The following GBF1 variants were observed in gnomAD, a reference collection of about 807,000 sequenced individuals.
GBF1 encodes Golgi-specific brefeldin A-resistance guanine nucleotide exchange factor 1.
A neutral mutation model predicts 210.5 loss-of-function variants in GBF1; 114 were observed. The ratio of observed to expected loss-of-function variants is 0.54; its 90% CI spans 0.47 to 0.63. The LOEUF (loss-of-function observed/expected upper bound fraction) is 0.63, where lower values mean the gene tolerates loss of function less well. Ranked by LOEUF, GBF1 falls within the 30% of genes least tolerant of loss-of-function variation. The pLI, the probability that GBF1 is intolerant of heterozygous loss-of-function variation, is 0.00. For missense variants in GBF1, 1,851 were observed against 2,357.7 expected (o/e 0.79, Z 4.45); for synonymous variants, 850 against 889.2 (o/e 0.96, Z 0.78).
intron 29 of GBF1, among the ~76,000 whole-genome samples, chr10:102,373,411 C>T (rs1166327900): frequency 6.6e-6 from 1 of 152,142 alleles, no homozygotes; most frequent in East Asian, 1.9e-4. Context: ...CATGTCTCTA[C>T]CAATAAATAC....
intron 3 of GBF1, among the ~76,000 whole-genome samples, chr10:102,312,143 T>G (rs753957584): frequency 1.3e-5 from 2 of 151,918 alleles, no homozygotes; most frequent in Admixed American, 6.6e-5. Flanking sequence ...AATACAAAAT[T>G]AGCTGGGCGT....
intron 3 of GBF1, among the ~76,000 whole-genome samples, chr10:102,322,564 A>G (rs891412193): frequency 6.6e-6 from 1 of 152,026 alleles, no homozygotes; most frequent in Non-Finnish European, 1.5e-5. Context: ...AGTTTACATT[A>G]TATGCCCATG....
At chr10:102,354,551 T>C (rs1178409591) in intron 8 of GBF1, among the ~76,000 whole-genome samples, 2 of 152,292 alleles carry the variant, frequency 1.3e-5, no homozygotes, top group African/African-American at 4.8e-5. Context: ...CCCATTTCCA[T>C]TGTGTAGAGC....
Position 102,293,764 on chromosome 10 carries a change from G to GTTTTTTTTTTT in GBF1, c.163+33652_163+33653insTTTTTTTTTTT, listed in dbSNP as rs1263151407. Among the ~76,000 whole-genome samples, 468 of 50,816 alleles carry GTTTTTTTTTTT rather than the reference G, an allele frequency of 9.2e-3. 149 individuals carry two copies. Among genetic ancestry groups the GTTTTTTTTTTT allele is most frequent in the Non-Finnish European group, 0.013 (298 of 23,592 alleles). 33.3% of individuals were successfully genotyped at this position (50,816 alleles called of 152,430 possible). Reference sequence around the variant, plus strand: ...AAAATATTTTGTACAGCTGTAGTATGTTTTGTGTTTTTTTTTTTTTTTTTT... The same window carrying GTTTTTTTTTTT: ...AAAATATTTTGTACAGCTGTAGTATGTTTTTTTTTTTTTTTGTGTTTTTTTTTTTTTTTTTT... On this transcript the variant is annotated intron_variant, in intron 3 of 39. Transcript: ENST00000369983.
At chr10:102,317,101 CT>C (rs1292343070) in intron 3 of GBF1, among the ~76,000 whole-genome samples, 2 of 151,028 alleles carry the variant, frequency 1.3e-5, no homozygotes, top group South Asian at 2.1e-4. Flanking sequence ...CCAGTGCCCC[CT>C]TTTTTTTTCT....
chr10:102,289,666 A>G (rs2076275517), intron 3 of GBF1, among the ~76,000 whole-genome samples: 1 of 152,246 alleles, frequency 6.6e-6, no homozygotes, highest in Non-Finnish European at 1.5e-5. Flanking sequence ...CGTAGTAGAC[A>G]ATTCATAACT....
At chr10:102,376,121 G>A (rs2060480923) in intron 30 of GBF1, 151 bp from the exon 31 acceptor site, 1 of 635,352 alleles carries the variant, frequency 1.6e-6, no homozygotes. Context: ...AACTGTTCCG[G>A]CCATCCTTTG....
chr10:102,310,917 G>A (rs1335679710), intron 3 of GBF1, among the ~76,000 whole-genome samples: 2 of 152,214 alleles, frequency 1.3e-5, no homozygotes, highest in African/African-American at 4.8e-5. Context: ...CCTGGAGCCT[G>A]ATGCATCCCG....
intron 3 of GBF1, among the ~76,000 whole-genome samples, chr10:102,326,949 C>A (rs1261102572): frequency 1.3e-5 from 2 of 152,094 alleles, no homozygotes; most frequent in African/African-American, 4.8e-5. Flanking sequence ...GCCTGACTAC[C>A]CTTTGCTCAA....
At chr10:102,307,562 A>C (rs1414641623) in intron 3 of GBF1, among the ~76,000 whole-genome samples, 1 of 152,044 alleles carries the variant, frequency 6.6e-6, no homozygotes, top group Non-Finnish European at 1.5e-5. Flanking sequence ...AGGCCAAGGC[A>C]GGCGGATCAC....
chr10:102,343,837 CT>C (rs1256407972), intron 3 of GBF1, among the ~76,000 whole-genome samples: 1 of 148,514 alleles, frequency 6.7e-6, no homozygotes, highest in Non-Finnish European at 1.5e-5. Context: ...TGTTTTTGTT[CT>C]TTTTTTAAGA....
chr10:102,284,683 C>G (rs1244293778), intron 3 of GBF1, among the ~76,000 whole-genome samples: 4 of 151,942 alleles, frequency 2.6e-5, no homozygotes, highest in Non-Finnish European at 5.9e-5. Flanking sequence ...ACATTTGGAC[C>G]ATTTCTTCCT....
chr10:102,303,798 C>G (rs1028000373), intron 3 of GBF1, among the ~76,000 whole-genome samples: 1 of 151,974 alleles, frequency 6.6e-6, no homozygotes, highest in African/African-American at 2.4e-5. Flanking sequence ...AAGCAGGTAC[C>G]CTCTCAGTAC....
At chr10:102,246,495 A>T (rs1008957733) in intron 1 of GBF1, among the ~76,000 whole-genome samples, 3 of 152,200 alleles carry the variant, frequency 2.0e-5, no homozygotes, top group African/African-American at 7.2e-5. Context: ...TCAGATCTTC[A>T]CTAAGGAGAT....
intron 3 of GBF1, among the ~76,000 whole-genome samples, chr10:102,328,767 G>C (rs2057105097): frequency 6.6e-6 from 1 of 152,164 alleles, no homozygotes; most frequent in South Asian, 2.1e-4. Flanking sequence ...GCTAATGTCA[G>C]TTCAGAATTT....
intron 3 of GBF1, among the ~76,000 whole-genome samples, chr10:102,277,246 C>T (rs2075070891): frequency 6.6e-6 from 1 of 152,100 alleles, no homozygotes; most frequent in Non-Finnish European, 1.5e-5. Flanking sequence ...TCACTTAAAT[C>T]TGGGAGGTGA....
intron 33 of GBF1, among the ~76,000 whole-genome samples, chr10:102,378,867 G>A (rs1389583265): frequency 1.3e-5 from 2 of 152,072 alleles, no homozygotes; most frequent in Non-Finnish European, 2.9e-5. Flanking sequence ...CCAGGAGTTC[G>A]AGGCTGCAGC....
chr10:102,382,017 C>G, intron 39 of GBF1, 39 bp from the exon 40 acceptor site: 1 of 1,503,154 alleles, frequency 6.7e-7, no homozygotes, highest in Non-Finnish European at 8.9e-7. Flanking sequence ...CTTGTACCAA[C>G]AAGGGAATCT....
chr10:102,373,391 A>G (rs1201847294), intron 29 of GBF1, among the ~76,000 whole-genome samples: 1 of 152,236 alleles, frequency 6.6e-6, no homozygotes, highest in Admixed American at 6.5e-5. Flanking sequence ...CCTGGCCAAC[A>G]TGGTGAAACC....
Sources: allele counts gnomAD v4.1 joint callset (sites outside exome capture counted in the v4.1 genomes callset), GRCh38; gene constraint gnomAD v4.1.1; transcripts MANE v1.5; gene names NCBI Gene and HGNC (gene_info 2026-07-23, HGNC 2026-07-21).